Variants in CPT1A observed in about 807,000 individuals in gnomAD.
The protein encoded by CPT1A is carnitine palmitoyltransferase 1A, also known as carnitine O-palmitoyltransferase 1, liver isoform.
Under a neutral mutation model 100.8 loss-of-function variants are expected in CPT1A, and 64 were observed. The ratio of observed to expected loss-of-function variants is 0.63; its 90% CI spans 0.52 to 0.78. CPT1A has a LOEUF of 0.78. CPT1A is among the 30% of genes least tolerant of loss of function. The probability of loss-of-function intolerance (pLI) is 0.00; values close to 1 mark genes in which losing one functional copy is unlikely to be tolerated. For missense variants in CPT1A, 802 were observed against 1,034.1 expected, an observed-to-expected ratio of 0.78 and a Z score of 3.08; for synonymous variants, 363 against 396.0, an observed-to-expected ratio of 0.92 and a Z score of 0.99.
chr11:68,814,316 G>A (rs1449157250), intron 2 of CPT1A, among the ~76,000 whole-genome samples: 1 of 152,092 alleles, frequency 6.6e-6, no homozygotes, highest in Non-Finnish European at 1.5e-5. Context: ...TTTTTTGTTT[G>A]TTTTTTTTGA....
chr11:68,816,219 A>T (rs1417013041), intron 1 of CPT1A, among the ~76,000 whole-genome samples: 1 of 152,220 alleles, frequency 6.6e-6, no homozygotes, highest in African/African-American at 2.4e-5. Context: ...CTTCGAGCGC[A>T]GATCAATCCC....
intron 14 of CPT1A, among the ~76,000 whole-genome samples, chr11:68,770,561 A>AGCCC (rs1163954635): frequency 6.6e-6 from 1 of 152,208 alleles, no homozygotes; most frequent in Non-Finnish European, 1.5e-5. Context: ...CCTATTACTA[A>AGCCC]GCCCCTTGAC....
chr11:68,817,910 G>T (rs1018057498), intron 1 of CPT1A, among the ~76,000 whole-genome samples: 2 of 152,114 alleles, frequency 1.3e-5, no homozygotes, highest in African/African-American at 4.8e-5. Context: ...GGTCGACAGG[G>T]TGTCTGGGTT....
intron 10 of CPT1A, among the ~76,000 whole-genome samples, chr11:68,783,155 C>T (rs984909788): frequency 1.4e-4 from 21 of 152,132 alleles, no homozygotes; most frequent in Admixed American, 2.6e-4. Flanking sequence ...CGCTCCTGCT[C>T]CCAGGCCTGG....
intron 1 of CPT1A, among the ~76,000 whole-genome samples, chr11:68,824,163 G>C (rs12364259): frequency 0.11 from 16,954 of 149,130 alleles, 944 homozygotes; most frequent in African/African-American, 0.12. Context: ...CAGGAGAATC[G>C]CTTGAACCTG....
intron 9 of CPT1A, chr11:68,785,994 C>T (rs1463687248): frequency 1.4e-6 from 1 of 702,168 alleles, no homozygotes; most frequent in African/African-American, 1.7e-5. Flanking sequence ...TTAAGCACTG[C>T]TCAGTGGGGA....
chr11:68,778,066 T>TA (rs1248227757), intron 12 of CPT1A, among the ~76,000 whole-genome samples: 1 of 152,042 alleles, frequency 6.6e-6, no homozygotes, highest in Admixed American at 6.6e-5. Flanking sequence ...ACTGGTGTCT[T>TA]AAAGCCTAGA....
At chr11:68,773,792 G>A (rs2153996857) in intron 13 of CPT1A, 1 of 320,338 alleles carries the variant, frequency 3.1e-6, no homozygotes, top group Admixed American at 4.4e-5. Context: ...TCAGTAGATA[G>A]AAATGGAGCT....
In CPT1A at chr11:68,757,133, G is replaced by T; in HGVS notation, c.*511C>A. On this transcript the variant is annotated 3_prime_UTR_variant, in exon 19 of 19. Transcript: ENST00000265641. ...GGAACGGTTACCCACGGTGACAAAAGCAGGTCTCCAAAGCACAGCATTTTG... is the reference window on the plus strand; with the variant it reads ...GGAACGGTTACCCACGGTGACAAAATCAGGTCTCCAAAGCACAGCATTTTG... 1 of 214,096 alleles carries T rather than the reference G, an allele frequency of 4.7e-6. No homozygotes were observed. The highest frequency in any genetic ancestry group is 8.5e-6 in the Non-Finnish European group (1 of 117,480). The allele number at this position is 214,096 out of a possible 1,614,324, so 13.3% of individuals were successfully genotyped here.
At chr11:68,789,758 T>C (rs1200698549) in intron 9 of CPT1A, among the ~76,000 whole-genome samples, 6 of 152,202 alleles carry the variant, frequency 3.9e-5, no homozygotes, top group African/African-American at 1.2e-4. Flanking sequence ...TATAACTCCT[T>C]AAACATTTCT....
chr11:68,814,384 G>A (rs2154001293), intron 2 of CPT1A, among the ~76,000 whole-genome samples: 1 of 152,138 alleles, frequency 6.6e-6, no homozygotes, highest in South Asian at 2.1e-4. Context: ...TCGGCTCACT[G>A]CAAGCTCCGC....
intron 14 of CPT1A, among the ~76,000 whole-genome samples, chr11:68,764,427 C>T (rs1243108266): frequency 1.3e-5 from 2 of 152,190 alleles, no homozygotes; most frequent in African/African-American, 4.8e-5. Flanking sequence ...TCAAATGAAC[C>T]CAGAAGAGGG....
chr11:68,827,400 A>T (rs2154002291), intron 1 of CPT1A, among the ~76,000 whole-genome samples: 1 of 152,316 alleles, frequency 6.6e-6, no homozygotes, highest in African/African-American at 2.4e-5. Flanking sequence ...TTTCTGTCTT[A>T]AATGCTTTAA....
At chr11:68,773,919 A>G (rs1017037625) in intron 13 of CPT1A, 1 of 237,682 alleles carries the variant, frequency 4.2e-6, no homozygotes, top group East Asian at 1.0e-4. Context: ...CAGCAGTGCT[A>G]GACAGGCAAG....
At chr11:68,793,427 CA>C in intron 8 of CPT1A, 25 bp from the exon 9 acceptor site, 1 of 1,575,388 alleles carries the variant, frequency 6.3e-7, no homozygotes, top group Non-Finnish European at 8.7e-7. Flanking sequence ...TATTTCAAAC[CA>C]ACAACGAAAA....
Position 68,757,551 on chromosome 11 carries a change from G to C in CPT1A, c.*93C>G. ...AAAACTGAGTTTTTTTAAGAGCAGT[G>C]TTTCATCCCGAGCTAAGGTCAGGAT... On this transcript the variant is annotated 3_prime_UTR_variant, in exon 19 of 19. Transcript: ENST00000265641. 6.3e-7 allele frequency: 1 copy of C among 1,598,370 alleles called. No individual in the cohort carries two copies. Among genetic ancestry groups the C allele is most frequent in the Non-Finnish European group, 8.5e-7 (1 of 1,172,794 alleles).
chr11:68,828,551 C>G lies in CPT1A; in HGVS notation c.-13-13064G>C, dbSNP rs367611301. On this transcript the variant is annotated intron_variant, in intron 1 of 18. Coordinates refer to ENST00000265641, the MANE Select transcript of CPT1A (RefSeq NM_001876.4). ...GCCTTCCCTGGGGTCTTGGGCACAC[C>G]CTGCCAGACTGGGCACTGTGGCTGG... 3.9e-5 allele frequency among the ~76,000 whole-genome samples: 6 copies of G among 152,326 alleles called. No individual in the cohort carries two copies. In the East Asian group the frequency reaches 5.8e-4, roughly 15 times the overall value.
intron 1 of CPT1A, among the ~76,000 whole-genome samples, chr11:68,816,247 G>A (rs1856385095): frequency 1.3e-5 from 2 of 152,186 alleles, no homozygotes; most frequent in South Asian, 4.1e-4. Context: ...TCTGCCTCTG[G>A]TGTCTGTGTG....
At chr11:68,765,886 T>TA (rs202011781) in intron 14 of CPT1A, among the ~76,000 whole-genome samples, 1,579 of 151,918 alleles carry the variant, frequency 0.01, 32 homozygotes, top group African/African-American at 0.037. Context: ...CCTTTTTTTT[T>TA]TTTTGGAGAC....
Sources: gnomAD v4.1 joint callset for allele counts (sites outside exome capture counted in the v4.1 genomes callset) on GRCh38, gnomAD v4.1.1 for gene constraint, MANE v1.5 for transcripts, NCBI Gene and HGNC (gene_info 2026-07-23, HGNC 2026-07-21) for gene names.